The following PRKCA variants were observed in gnomAD, a reference collection of about 807,000 sequenced individuals.
The protein encoded by PRKCA is protein kinase C alpha.
Under a neutral mutation model 87.0 loss-of-function variants are expected in PRKCA, and 27 were observed. The ratio of observed to expected loss-of-function variants is 0.31; its 90% CI spans 0.23 to 0.43. PRKCA has a LOEUF of 0.43. Ranked by LOEUF, PRKCA falls within the 20% of genes least tolerant of loss-of-function variation. The pLI, the probability that PRKCA is intolerant of heterozygous loss-of-function variation, is 1.00. For synonymous variants in PRKCA, 329 were observed against 311.1 expected, an observed-to-expected ratio of 1.06 and a Z score of -0.61; for missense variants, 518 against 852.3, an observed-to-expected ratio of 0.61 and a Z score of 4.88.
At chr17:66,595,220 T>G (rs1969935343) in intron 3 of PRKCA, among the ~76,000 whole-genome samples, 1 of 151,962 alleles carries the variant, frequency 6.6e-6, no homozygotes, top group Non-Finnish European at 1.5e-5. Context: ...CAGGCTGGAG[T>G]ATGGTGGTGT....
intron 2 of PRKCA, among the ~76,000 whole-genome samples, chr17:66,329,636 C>T (rs1440674697): frequency 6.6e-6 from 1 of 152,114 alleles, no homozygotes; most frequent in East Asian, 1.9e-4. Context: ...TTAGGAAAGC[C>T]AAGAGAAGAG....
chr17:66,778,083 C>A, intron 14 of PRKCA: 2 of 985,408 alleles, frequency 2.0e-6, no homozygotes, highest in Non-Finnish European at 1.2e-6. Context: ...TAAGCTCACG[C>A]CCCCTGGAGA....
At chr17:66,369,658 T>A (rs1272345862) in intron 2 of PRKCA, among the ~76,000 whole-genome samples, 1 of 152,230 alleles carries the variant, frequency 6.6e-6, no homozygotes, top group Non-Finnish European at 1.5e-5. Context: ...GCAATGCACC[T>A]GCCCGTTTTC....
intron 8 of PRKCA, among the ~76,000 whole-genome samples, chr17:66,718,990 A>C (rs9900205): frequency 6.6e-6 from 1 of 152,014 alleles, no homozygotes; most frequent in Non-Finnish European, 1.5e-5. Context: ...CTCTTTGACT[A>C]TTCATGGTGA....
At chr17:66,535,340 T>C (rs189315521) in intron 3 of PRKCA, among the ~76,000 whole-genome samples, 168 of 152,334 alleles carry the variant, frequency 1.1e-3, no homozygotes, top group Non-Finnish European at 1.6e-3. Flanking sequence ...CATCTGTTGA[T>C]CTGTGTGTCC....
At chr17:66,793,605 A>C (rs1007361422) in intron 16 of PRKCA, among the ~76,000 whole-genome samples, 4 of 151,342 alleles carry the variant, frequency 2.6e-5, no homozygotes, top group African/African-American at 9.7e-5. Context: ...AAAAAAAAAA[A>C]AAAAAAAAAA....
At position 66,684,679 on chromosome 17, in the gene PRKCA, T is replaced by C. The variant is rs114586953; in HGVS notation, c.530-2432T>C. On this transcript the variant is annotated intron_variant, in intron 5 of 16. Coordinates refer to ENST00000413366, the MANE Select transcript of PRKCA (RefSeq NM_002737.3). Reference sequence around the variant, plus strand: ...GAGATCTTACTTAAATGATTTTTTTTGTGTGTGTTGTCTGTCAGGAATATA... The same window carrying C: ...GAGATCTTACTTAAATGATTTTTTTCGTGTGTGTTGTCTGTCAGGAATATA... Among the ~76,000 whole-genome samples the C allele has an allele frequency of 1.2e-3, 185 of 152,338 alleles. 1 individual carries two copies. The highest frequency in any genetic ancestry group is 4.3e-3 in the African/African-American group (178 of 41,570).
At chr17:66,460,918 C>T (rs1332241940) in intron 2 of PRKCA, among the ~76,000 whole-genome samples, 3 of 152,146 alleles carry the variant, frequency 2.0e-5, no homozygotes, top group Non-Finnish European at 4.4e-5. Flanking sequence ...TAGAAAAGCA[C>T]ATCCCAGATG....
At chr17:66,446,341 G>C (rs1363670540) in intron 2 of PRKCA, among the ~76,000 whole-genome samples, 2 of 152,154 alleles carry the variant, frequency 1.3e-5, no homozygotes, top group Non-Finnish European at 2.9e-5. Flanking sequence ...GGCCAGCCTG[G>C]TTGTGGGACA....
chr17:66,805,142 G>C lies in PRKCA; in HGVS notation c.*1105G>C. The C allele has an allele frequency of 1.0e-6, 1 of 983,272 alleles. No individual in the cohort carries two copies. The highest frequency in any genetic ancestry group is 1.2e-6 in the Non-Finnish European group (1 of 827,918). The allele number at this position is 983,272 out of a possible 1,614,324, so 60.9% of individuals were successfully genotyped here. ...GTCCACTTAGGGATAAAAAGAATAT[G>C]GTTTTGGTTCCCATTTCTAGTTCAC... On this transcript the variant is annotated 3_prime_UTR_variant, in exon 17 of 17. Transcript: ENST00000413366.
intron 16 of PRKCA, among the ~76,000 whole-genome samples, chr17:66,797,831 G>A (rs564950301): frequency 5.3e-4 from 81 of 152,308 alleles, no homozygotes; most frequent in South Asian, 2.9e-3. Context: ...CATACCCATC[G>A]TGTGGTACGT....
intron 3 of PRKCA, among the ~76,000 whole-genome samples, chr17:66,536,834 T>C (rs1365407504): frequency 6.6e-6 from 1 of 152,200 alleles, no homozygotes; most frequent in African/African-American, 2.4e-5. Flanking sequence ...CTTTCTTCTA[T>C]CCTCCTGTAC....
In PRKCA at chr17:66,708,547, G is replaced by A. The variant is rs776157631; in HGVS notation, c.918+19500G>A. Among the ~76,000 whole-genome samples, 41 of 152,228 alleles carry A rather than the reference G, an allele frequency of 2.7e-4. 1 individual carries two copies. The highest frequency in any genetic ancestry group is 4.1e-4 in the Non-Finnish European group (28 of 68,044). ...ACTACCCAGTGGCTGCCGGAAGGCT[G>A]TGAAGCCACATAGCAATTGTATCAA... On this transcript the variant is annotated intron_variant, in intron 8 of 16. Transcript: ENST00000413366.
chr17:66,400,109 A>G (rs1019414891), intron 2 of PRKCA, among the ~76,000 whole-genome samples: 1 of 152,176 alleles, frequency 6.6e-6, no homozygotes, highest in Admixed American at 6.5e-5. Flanking sequence ...AGTTTTAACC[A>G]CTTGTACACA....
intron 2 of PRKCA, among the ~76,000 whole-genome samples, chr17:66,307,826 A>G (rs1417366838): frequency 6.6e-6 from 1 of 152,202 alleles, no homozygotes; most frequent in Non-Finnish European, 1.5e-5. Context: ...TAAACTGTAT[A>G]AAATAAAAAG....
chr17:66,394,370 G>A (rs8073750), intron 2 of PRKCA, among the ~76,000 whole-genome samples: 120,462 of 152,110 alleles, frequency 0.79, 48,191 homozygotes, highest in South Asian at 0.87. Context: ...TGGATTGGCA[G>A]GGGAAGATTC....
At chr17:66,528,467 C>A (rs1205616273) in intron 3 of PRKCA, among the ~76,000 whole-genome samples, 1 of 151,942 alleles carries the variant, frequency 6.6e-6, no homozygotes, top group Non-Finnish European at 1.5e-5. Context: ...AGTGTAATCA[C>A]AAAGGACCTT....
chr17:66,705,023 C>T (rs1056104783), intron 8 of PRKCA, among the ~76,000 whole-genome samples: 1 of 152,168 alleles, frequency 6.6e-6, no homozygotes, highest in Admixed American at 6.5e-5. Flanking sequence ...ATCTGATCAG[C>T]CCTGCCACGG....
intron 2 of PRKCA, among the ~76,000 whole-genome samples, chr17:66,456,559 T>G (rs968920942): frequency 2.0e-5 from 3 of 152,190 alleles, no homozygotes; most frequent in African/African-American, 7.2e-5. Flanking sequence ...TCTCTAAAAC[T>G]CTCGAACATC....
Sources: gnomAD v4.1 joint callset for allele counts (sites outside exome capture counted in the v4.1 genomes callset) on GRCh38, gnomAD v4.1.1 for gene constraint, MANE v1.5 for transcripts, NCBI Gene and HGNC (gene_info 2026-07-23, HGNC 2026-07-21) for gene names.